RADIL: variants seen among roughly 807,000 people sequenced by gnomAD.
The protein encoded by RADIL is ras-associating and dilute domain-containing protein.
A neutral mutation model predicts 97.6 loss-of-function variants in RADIL; 99 were observed. That is an observed-to-expected ratio of 1.01 (90% CI 0.86 to 1.20). The LOEUF (loss-of-function observed/expected upper bound fraction) is 1.20, where lower values mean the gene tolerates loss of function less well. Ranked by LOEUF, RADIL falls within the 50% of genes most tolerant of loss-of-function variation. The probability of loss-of-function intolerance (pLI) is 0.00; values close to 1 mark genes in which losing one functional copy is unlikely to be tolerated. For synonymous variants in RADIL, 803 were observed against 691.8 expected (o/e 1.16, Z -2.52); for missense variants, 1,765 against 1,498.9 (o/e 1.18, Z -2.93).
rs535802620 is a variant in RADIL at position 4,819,306 on chromosome 7, A to C, written c.1616-1955T>G. On this transcript the variant is annotated intron_variant, in intron 6 of 14. Transcript: ENST00000399583. This position sits in a 1 kb window ranked among gnomAD's most constrained non-coding sequence, Gnocchi z 5.8. The stretch of plus-strand genomic sequence containing the variant: ...AGGCTGGTCTCAAACTCCTGACCTC[A>C]TGTGATCTGCCTGCCTCGGCCTCCC... 9.2e-4 allele frequency among the ~76,000 whole-genome samples: 139 copies of C among 151,564 alleles called. No homozygotes were observed. Among genetic ancestry groups the C allele is most frequent in the African/African-American group, 3.2e-3 (134 of 41,286 alleles).
intron 5 of RADIL, among the ~76,000 whole-genome samples, chr7:4,830,999 C>T (rs1018899087): frequency 4.7e-5 from 7 of 149,094 alleles, no homozygotes; most frequent in East Asian, 2.0e-4. Context: ...CTAGCCTGGG[C>T]GACAGAGCGA....
intron 2 of RADIL, among the ~76,000 whole-genome samples, chr7:4,866,296 C>T (rs149073942): frequency 1.8e-3 from 280 of 152,204 alleles, no homozygotes; most frequent in African/African-American, 6.1e-3. Flanking sequence ...TGCACCCAGC[C>T]ACATCTTTGT....
intron 2 of RADIL, among the ~76,000 whole-genome samples, chr7:4,864,437 T>A (rs541407302): frequency 3.9e-5 from 6 of 152,240 alleles, no homozygotes; most frequent in Non-Finnish European, 7.3e-5. Context: ...TACCACTTAC[T>A]TACAGATTAA....
rs563564825 is a variant in RADIL at position 4,879,103 on chromosome 7, C to A, written c.-64-900G>T. Among the ~76,000 whole-genome samples, 1 of 152,250 alleles carries A rather than the reference C, an allele frequency of 6.6e-6. No homozygotes were observed. Among genetic ancestry groups the A allele is most frequent in the Non-Finnish European group, 1.5e-5 (1 of 68,040 alleles). Reference sequence around the variant, plus strand: ...AGTGGCCTCGCAAGCACGGCGGGCACAAAGGGCCCCTCTCGAGCCGGTGCA... The same window carrying A: ...AGTGGCCTCGCAAGCACGGCGGGCAAAAAGGGCCCCTCTCGAGCCGGTGCA... On this transcript the variant is annotated intron_variant, in intron 1 of 14. Coordinates refer to ENST00000399583, the MANE Select transcript of RADIL (RefSeq NM_018059.5). This position sits in a 1 kb window ranked among gnomAD's most constrained non-coding sequence, Gnocchi z 4.1.
In RADIL at chr7:4,877,641, C is replaced by G. The variant is rs760645833; in HGVS notation, c.499G>C (p.Glu167Gln). The change falls in exon 2 of 15, where the codon GAG becomes CAG. Residue 167 changes from glutamate (E) to glutamine (Q), a missense_variant. By Grantham distance (29) the Glu-to-Gln change is conservative (BLOSUM62 2). Coordinates refer to ENST00000399583, the MANE Select transcript of RADIL (RefSeq NM_018059.5). Reference protein sequence around the residue: ...FELRKRSDVEELAAKEVDTIT... With the variant: ...FELRKRSDVEQLAAKEVDTIT... ...GTGTCCACCTCCTTGGCTGCCAGCT[C>G]CTCCACGTCCGACCTCTTCCTCAGC... 1.9e-6 allele frequency: 3 copies of G among 1,610,564 alleles called. No homozygotes were observed. The African/African-American group carries it at 4.0e-5, about 22-fold the overall frequency.
Position 4,805,607 on chromosome 7 carries a change from C to T in RADIL, c.2249G>A (p.Trp750Ter). ...GGGGCTGTCCTGGGCCCCTGGCTCC[C>T]AGGTGCTCATGGGGCCCATGGCCGA... ...LASAMGPMST[W>*]EPGAQDSPEA... Residue 750 changes from tryptophan (W) to a stop codon, truncating the protein, a stop_gained, in exon 10 of 15, where the codon TGG becomes TAG. Coordinates refer to ENST00000399583, the MANE Select transcript of RADIL (RefSeq NM_018059.5). LOFTEE classifies it high-confidence loss of function. 1 of 1,611,840 alleles carries T rather than the reference C, an allele frequency of 6.2e-7. No individual in the cohort carries two copies. The highest frequency in any genetic ancestry group is 8.5e-7 in the Non-Finnish European group (1 of 1,179,754).
intron 13 of RADIL, 26 bp from the exon 14 acceptor site, chr7:4,799,795 C>T: frequency 6.7e-7 from 1 of 1,482,060 alleles, no homozygotes; most frequent in Non-Finnish European, 8.9e-7. Flanking sequence ...GGCCTCAGAG[C>T]TCCGCAGGCC....
chr7:4,829,146 C>T (rs1783073535), intron 5 of RADIL, among the ~76,000 whole-genome samples: 1 of 152,244 alleles, frequency 6.6e-6, no homozygotes, highest in Non-Finnish European at 1.5e-5. Context: ...CACAAGATGT[C>T]AGGTGCCACT....
chr7:4,829,656 T>A (rs1294505160), intron 5 of RADIL, among the ~76,000 whole-genome samples: 2 of 152,012 alleles, frequency 1.3e-5, no homozygotes, highest in African/African-American at 4.8e-5. Context: ...ACGCGGTGGG[T>A]GGTAACTGAG....
chr7:4,801,239 T>C (rs1242837905), intron 12 of RADIL, among the ~76,000 whole-genome samples: 2 of 151,918 alleles, frequency 1.3e-5, no homozygotes, highest in Non-Finnish European at 2.9e-5. Flanking sequence ...AGCACACATA[T>C]CCACACGCAC....
At position 4,834,747 on chromosome 7, in the gene RADIL, C is replaced by G; in HGVS notation, c.1276G>C (p.Glu426Gln). 1 of 1,407,412 alleles carries G rather than the reference C, an allele frequency of 7.1e-7. No individual in the cohort carries two copies. The highest frequency in any genetic ancestry group is 9.3e-7 in the Non-Finnish European group (1 of 1,073,742). The allele number at this position is 1,407,412 out of a possible 1,614,324, so 87.2% of individuals were successfully genotyped here. Residue 426 changes from glutamate to glutamine, a missense_variant, in exon 4 of 15, where the codon GAG becomes CAG. Glu to Gln is a conservative substitution (Grantham distance 29, BLOSUM62 2). Coordinates refer to ENST00000399583, the MANE Select transcript of RADIL (RefSeq NM_018059.5). The surrounding 1 kb of genome is among the most constrained non-coding windows in gnomAD (Gnocchi z 6.0). ...AGCTTGTGGTCGTCGCCCCCCGGCT[C>G]GATCAACGTCATGATCCTCTGCAGC... ...TLLQRIMTLI[E>Q]PGGDDHKLTP...
chr7:4,865,758 A>AT (rs377388707), intron 2 of RADIL: 351 of 1,044,276 alleles, frequency 3.4e-4, no homozygotes, highest in East Asian at 1.0e-3. Flanking sequence ...GAACCTGCTT[A>AT]TTTTTTTTGC....
chr7:4,805,754 G>C (rs762887610), intron 9 of RADIL, 38 bp from the exon 10 acceptor site: 2 of 1,590,894 alleles, frequency 1.3e-6, no homozygotes, highest in Non-Finnish European at 1.7e-6. Flanking sequence ...ACAGGTCTCT[G>C]GGTGCAGACC....
chr7:4,805,543 T>C, intron 10 of RADIL, 23 bp downstream of exon 10: 1 of 1,562,186 alleles, frequency 6.4e-7, no homozygotes, highest in Admixed American at 1.9e-5. Context: ...CCCAGCCCTC[T>C]CCTGCCCTGG....
intron 2 of RADIL, chr7:4,858,641 T>C (rs56259867): frequency 0.052 from 7,971 of 152,676 alleles, 319 homozygotes; most frequent in Admixed American, 0.11. Flanking sequence ...TAAGGAGGTA[T>C]TCTGTGGAAT....
At chr7:4,874,780 G>A (rs948203402) in intron 2 of RADIL, among the ~76,000 whole-genome samples, 5 of 152,214 alleles carry the variant, frequency 3.3e-5, no homozygotes, top group Admixed American at 3.3e-4. Flanking sequence ...GAGCTTGGCC[G>A]GGTGTGGTGG....
rs1784166063 is a variant in RADIL at position 4,867,937 on chromosome 7, A to G, written c.535+9668T>C. Among the ~76,000 whole-genome samples the G allele has an allele frequency of 1.3e-5, 2 of 152,328 alleles. No individual in the cohort carries two copies. The highest frequency in any genetic ancestry group is 4.1e-4 in the South Asian group (2 of 4,820). On this transcript the variant is annotated intron_variant, in intron 2 of 14. Transcript: ENST00000399583. This position sits in a 1 kb window ranked among gnomAD's most constrained non-coding sequence, Gnocchi z 4.1. Reference sequence around the variant, plus strand: ...GAAGCTTGGCCCTTTCTCTGCACTTACTTGTTCCCCATATTGGTGAGACGG... The same window carrying G: ...GAAGCTTGGCCCTTTCTCTGCACTTGCTTGTTCCCCATATTGGTGAGACGG...
intron 2 of RADIL, among the ~76,000 whole-genome samples, chr7:4,838,405 T>C (rs899793281): frequency 1.3e-5 from 2 of 152,116 alleles, no homozygotes; most frequent in African/African-American, 2.4e-5. Context: ...CCCAGGGCCA[T>C]GGGGCAGGAA....
chr7:4,851,624 T>A (rs1334279929), intron 2 of RADIL, among the ~76,000 whole-genome samples: 1 of 152,088 alleles, frequency 6.6e-6, no homozygotes, highest in Non-Finnish European at 1.5e-5. Flanking sequence ...GAAACAGAAT[T>A]TGCAAATGGT....
Sources: gnomAD v4.1 joint callset for allele counts (sites outside exome capture counted in the v4.1 genomes callset) on GRCh38, gnomAD v4.1.1 for gene constraint, Gnocchi (gnomAD v3.1) non-coding constraint, MANE v1.5 for transcripts, NCBI Gene and HGNC (gene_info 2026-07-23, HGNC 2026-07-21) for gene names.